Variants in SYK observed in about 807,000 individuals in gnomAD.
SYK encodes spleen associated tyrosine kinase, also known as tyrosine-protein kinase SYK.
SYK carries 16 observed loss-of-function variants against 77.8 expected under a neutral mutation model. That is an observed-to-expected ratio of 0.21 (90% CI 0.14 to 0.31). The LOEUF (loss-of-function observed/expected upper bound fraction) is 0.31. SYK is among the 10% of genes least tolerant of loss of function. The pLI, the probability that SYK is intolerant of heterozygous loss-of-function variation, is 1.00. For missense variants in SYK, 529 were observed against 814.4 expected, an observed-to-expected ratio of 0.65 and a Z score of 4.26; for synonymous variants, 312 against 308.7, an observed-to-expected ratio of 1.01 and a Z score of -0.11.
chr9:90,889,841 C>G (rs960082542), intron 13 of SYK, among the ~76,000 whole-genome samples: 1 of 152,206 alleles, frequency 6.6e-6, no homozygotes, highest in African/African-American at 2.4e-5. Flanking sequence ...CTCCCAGTGC[C>G]TAAACTAGAA....
Position 90,874,442 on chromosome 9 carries a change from G to A in SYK, c.1003+151G>A, listed in dbSNP as rs1587897603. 40 of 918,350 alleles carry A rather than the reference G, an allele frequency of 4.4e-5. No individual in the cohort carries two copies. The South Asian group carries it at 5.7e-4, about 13-fold the overall frequency. The allele number at this position is 918,350 out of a possible 1,614,324, so 56.9% of individuals were successfully genotyped here. ...AAACACTCACATCTAGTGGCAGGCA[G>A]CAGGCACCACATGCCCATGAGCAGT... On this transcript the variant is annotated intron_variant, in intron 8 of 13. Coordinates refer to ENST00000375754, the MANE Select transcript of SYK (RefSeq NM_003177.7).
At chr9:90,841,165 TTGTG>T (rs1020864033) in intron 1 of SYK, among the ~76,000 whole-genome samples, 7 of 145,532 alleles carry the variant, frequency 4.8e-5, no homozygotes, top group African/African-American at 1.3e-4. Context: ...GTGGTGTGGT[TTGTG>T]TGTGTTTTTA....
At chr9:90,846,530 G>C (rs1163413096) in intron 3 of SYK, among the ~76,000 whole-genome samples, 1 of 152,186 alleles carries the variant, frequency 6.6e-6, no homozygotes, top group African/African-American at 2.4e-5. Flanking sequence ...TCTTAGCTGA[G>C]TGCAGTGGCA....
chr9:90,810,436 T>C (rs1349674466), intron 1 of SYK, among the ~76,000 whole-genome samples: 1 of 152,176 alleles, frequency 6.6e-6, no homozygotes, highest in Non-Finnish European at 1.5e-5. Flanking sequence ...GTAAAGACCC[T>C]GTCTTTAAAT....
At chr9:90,887,546 C>G (rs1306737370) in intron 11 of SYK, among the ~76,000 whole-genome samples, 10 of 151,658 alleles carry the variant, frequency 6.6e-5, no homozygotes, top group Admixed American at 6.6e-4. Flanking sequence ...GCTGGAATTA[C>G]AGGCACCCGC....
intron 6 of SYK, among the ~76,000 whole-genome samples, chr9:90,865,589 A>G (rs1273976656): frequency 6.6e-6 from 1 of 152,104 alleles, no homozygotes; most frequent in Admixed American, 6.6e-5. Context: ...GATTACAGGC[A>G]TGAGCCACCA....
intron 13 of SYK, among the ~76,000 whole-genome samples, chr9:90,894,324 G>A (rs1828900765): frequency 6.6e-6 from 1 of 152,194 alleles, no homozygotes; most frequent in Non-Finnish European, 1.5e-5. Context: ...CAGAGACAAA[G>A]CCCCTCTCAG....
Position 90,895,640 on chromosome 9 carries a change from A to G in SYK, c.*40A>G. 6.4e-7 allele frequency: 1 copy of G among 1,569,760 alleles called. No homozygotes were observed. The highest frequency in any genetic ancestry group is 2.2e-5 in the East Asian group (1 of 44,648). On this transcript the variant is annotated 3_prime_UTR_variant, in exon 14 of 14. Transcript: ENST00000375754. This position sits in a 1 kb window ranked among gnomAD's most constrained non-coding sequence, Gnocchi z 4.4. Reference sequence around the variant, plus strand: ...GTCGGTGGCTGCCTTTGATCACAGGAGCAATCACAGGAAAATGTATCCAGA... The same window carrying G: ...GTCGGTGGCTGCCTTTGATCACAGGGGCAATCACAGGAAAATGTATCCAGA...
rs192785109 is a variant in SYK at position 90,849,716 on chromosome 9, G to A, written c.578+4122G>A. 1.5e-4 allele frequency among the ~76,000 whole-genome samples: 23 copies of A among 152,316 alleles called. No individual in the cohort carries two copies. The East Asian group carries it at 2.7e-3, about 18-fold the overall frequency. ...GTGGCCTGTTAACAACATACCATTC[G>A]GGTTGTCTGGCCTCAAATGCTGGCT... On this transcript the variant is annotated intron_variant, in intron 3 of 13. Coordinates refer to ENST00000375754, the MANE Select transcript of SYK (RefSeq NM_003177.7).
intron 13 of SYK, among the ~76,000 whole-genome samples, chr9:90,891,206 C>T (rs1320784384): frequency 7.4e-6 from 1 of 134,582 alleles, no homozygotes; most frequent in East Asian, 2.5e-4. Context: ...AGTGCAGTGG[C>T]GCGATCTGGG....
chr9:90,860,952 C>T lies in SYK; in HGVS notation c.579-1254C>T, dbSNP rs549516602. ...GCCCCAAGTACAGTGCATTTGGGCA[C>T]GTGGCTTAACAATTTTGGACCTCAG... On this transcript the variant is annotated intron_variant, in intron 3 of 13. Transcript: ENST00000375754. 3.5e-3 allele frequency among the ~76,000 whole-genome samples: 529 copies of T among 152,182 alleles called. 3 individuals are homozygous for T. Among genetic ancestry groups the T allele is most frequent in the African/African-American group, 0.012 (506 of 41,516 alleles).
At chr9:90,853,807 C>T (rs1826910765) in intron 3 of SYK, among the ~76,000 whole-genome samples, 1 of 151,858 alleles carries the variant, frequency 6.6e-6, no homozygotes, top group South Asian at 2.1e-4. Flanking sequence ...ACCAGCATGG[C>T]ACATGTATAC....
At chr9:90,866,170 A>T (rs1246328821) in intron 6 of SYK, among the ~76,000 whole-genome samples, 1 of 152,158 alleles carries the variant, frequency 6.6e-6, no homozygotes, top group Non-Finnish European at 1.5e-5. Context: ...AAGTGCTGGG[A>T]TTACAGGCGT....
chr9:90,808,211 T>A (rs1824919232), intron 1 of SYK, among the ~76,000 whole-genome samples: 1 of 152,258 alleles, frequency 6.6e-6, no homozygotes, highest in Non-Finnish European at 1.5e-5. Flanking sequence ...CTGTCCATCC[T>A]GTTCTTCAGT....
chr9:90,864,497 G>C (rs191824996), intron 4 of SYK, 92 bp from the exon 5 acceptor site: 1 of 1,157,976 alleles, frequency 8.6e-7, no homozygotes, highest in African/African-American at 1.5e-5. Flanking sequence ...GGGCCACTTC[G>C]AAAGCCCAAC....
chr9:90,855,683 T>G (rs1201237275), intron 3 of SYK, among the ~76,000 whole-genome samples: 1 of 151,632 alleles, frequency 6.6e-6, no homozygotes, highest in African/African-American at 2.4e-5. Flanking sequence ...TGTGTGTGTG[T>G]GTGTGGGTGT....
rs200418715 is a variant in SYK at position 90,874,743 on chromosome 9, A to G, written c.1075A>G (p.Arg359Gly). 1 of 1,614,186 alleles carries G rather than the reference A, an allele frequency of 6.2e-7. No homozygotes were observed. Among genetic ancestry groups the G allele is most frequent in the Non-Finnish European group, 8.5e-7 (1 of 1,180,036 alleles). Residue 359 changes from arginine (R) to glycine (G), a missense_variant, in exon 9 of 14, where the codon AGG becomes GGG. Arg to Gly is a moderately radical substitution (Grantham distance 125). This residue lies in a region of SYK where 208 missense variants were observed against 381.3 expected (regional missense o/e 0.55). Coordinates refer to ENST00000375754, the MANE Select transcript of SYK (RefSeq NM_003177.7). ...CCCCTACGCGGACCCCGAGGAGATC[A>G]GGCCCAAGGAGGTTTACCTGGACCG... is the stretch of plus-strand genomic sequence containing the variant. ...ESPYADPEEIRPKEVYLDRKL... is the reference protein window; with the variant it reads ...ESPYADPEEIGPKEVYLDRKL...
intron 1 of SYK, among the ~76,000 whole-genome samples, chr9:90,829,917 G>A (rs1825817389): frequency 6.6e-6 from 1 of 152,224 alleles, no homozygotes; most frequent in South Asian, 2.1e-4. Context: ...AAATGTCTAT[G>A]TGTTGGTTGA....
chr9:90,833,120 A>G (rs1825952815), intron 1 of SYK, among the ~76,000 whole-genome samples: 1 of 152,214 alleles, frequency 6.6e-6, no homozygotes, highest in Non-Finnish European at 1.5e-5. Context: ...GAAAAGTGTT[A>G]AGGGCTTTCA....
Sources: gnomAD v4.1 joint callset for allele counts (sites outside exome capture counted in the v4.1 genomes callset) on GRCh38, gnomAD v4.1.1 for gene constraint, gnomAD v4.1.1 regional missense constraint, Gnocchi (gnomAD v3.1) non-coding constraint, MANE v1.5 for transcripts, NCBI Gene and HGNC (gene_info 2026-07-23, HGNC 2026-07-21) for gene names.